Variants in ABCA13 observed in about 807,000 individuals in gnomAD.
ABCA13 encodes the protein ATP-binding cassette sub-family A member 13.
Under a neutral mutation model 478.7 loss-of-function variants are expected in ABCA13, and 476 were observed. The ratio of observed to expected loss-of-function variants is 0.99; its 90% confidence interval spans 0.92 to 1.07. ABCA13 has a LOEUF of 1.07. ABCA13 is among the 50% of genes least tolerant of loss of function. ABCA13 has a pLI of 0.00. For missense variants in ABCA13, 6,060 were observed against 5,910.6 expected, an observed-to-expected ratio of 1.03 and a Z score of -0.83; for synonymous variants, 2,252 against 2,158.9, an observed-to-expected ratio of 1.04 and a Z score of -1.20.
At chr7:48,190,320 T>C (rs2128890597) in intron 1 of ABCA13, among the ~76,000 whole-genome samples, 1 of 152,312 alleles carries the variant, frequency 6.6e-6, no homozygotes, top group Middle Eastern at 3.4e-3. Flanking sequence ...CTGCATCTAC[T>C]TGATTTCATA....
In ABCA13 at chr7:48,279,915, T is replaced by G. The variant is rs1006885556; in HGVS notation, c.8721T>G (p.Asp2907Glu). Residue 2907 changes from aspartate to glutamate, a missense_variant, in exon 18 of 62, where the codon GAT (aspartate) becomes GAG (glutamate). Physicochemically the swap from Asp to Glu is conservative, Grantham distance 45. Around this residue, in one of 3 missense-constraint regions of ABCA13, gnomAD observed 4,423 missense variants for 4,309.1 expected, o/e 1.03. Coordinates refer to ENST00000435803, the MANE Select transcript of ABCA13 (RefSeq NM_152701.5). Reference protein sequence around the residue: ...TKYWQQIPLTDQSVVEICEVF... With the variant: ...TKYWQQIPLTEQSVVEICEVF... ...ACTGGCAACAAATCCCACTAACAGA[T>G]CAAAGGTAATTAAAAAGCTGAATTC... is the stretch of plus-strand genomic sequence containing the variant. 2.0e-6 allele frequency: 3 copies of G among 1,509,530 alleles called. No homozygotes were observed. The Admixed American group carries it at 7.1e-5, about 36-fold the overall frequency. 93.5% of individuals were successfully genotyped at this position (1,509,530 alleles called of 1,614,324 possible).
At chr7:48,500,011 G>T (rs1227140933) in intron 48 of ABCA13, among the ~76,000 whole-genome samples, 1 of 152,164 alleles carries the variant, frequency 6.6e-6, no homozygotes, top group East Asian at 1.9e-4. Flanking sequence ...AAATTGATCA[G>T]ACTGGTATCC....
At chr7:48,267,521 T>C (rs1422028727) in intron 15 of ABCA13, among the ~76,000 whole-genome samples, 1 of 152,152 alleles carries the variant, frequency 6.6e-6, no homozygotes, top group Non-Finnish European at 1.5e-5. Context: ...ATATTTCAAG[T>C]GCATTTCTTA....
At chr7:48,201,672 A>G (rs989879858) in intron 3 of ABCA13, among the ~76,000 whole-genome samples, 35 of 152,226 alleles carry the variant, frequency 2.3e-4, no homozygotes, top group Non-Finnish European at 4.4e-5. Flanking sequence ...GTGAGCAGAG[A>G]TCGCACCACT....
rs756216996 is a variant in ABCA13 at position 48,412,583 on chromosome 7, G to C, written c.12459G>C (p.Glu4153Asp). Residue 4153 changes from glutamate to aspartate, a missense_variant and splice_region_variant, in exon 41 of 62, where the codon GAG (glutamate) becomes GAC (aspartate). Glu to Asp is a conservative substitution (Grantham distance 45, BLOSUM62 2). Coordinates refer to ENST00000435803, the MANE Select transcript of ABCA13 (RefSeq NM_152701.5). The part of the protein sequence containing the change: ...GYGISDTTLE[E>D]VFLMLLQDSN... ...GGATCTCAGACACCACCTTAGAAGA[G>C]GTACTGAGAAAACTGAAGCGTGCTT... 6.3e-7 allele frequency: 1 copy of C among 1,591,096 alleles called. No homozygotes were observed. The highest frequency in any genetic ancestry group is 2.2e-5 in the East Asian group (1 of 44,498).
chr7:48,439,963 A>G (rs1823359513), intron 42 of ABCA13, among the ~76,000 whole-genome samples: 1 of 152,270 alleles, frequency 6.6e-6, no homozygotes, highest in East Asian at 1.9e-4. Context: ...TCTTCCTACC[A>G]AAACAGTATT....
chr7:48,176,949 T>A (rs1341313496), intron 1 of ABCA13, among the ~76,000 whole-genome samples: 1 of 152,214 alleles, frequency 6.6e-6, no homozygotes, highest in Non-Finnish European at 1.5e-5. Flanking sequence ...TAAAACAAAA[T>A]AATCTCATTT....
chr7:48,215,979 A>G (rs550662163), intron 3 of ABCA13, among the ~76,000 whole-genome samples: 3 of 152,322 alleles, frequency 2.0e-5, no homozygotes, highest in East Asian at 1.9e-4. Context: ...ATTCCCTTGT[A>G]TAGATACAGG....
chr7:48,574,374 A>G (rs925618518), intron 55 of ABCA13, among the ~76,000 whole-genome samples: 4 of 152,100 alleles, frequency 2.6e-5, no homozygotes, highest in African/African-American at 9.7e-5. Flanking sequence ...AGCCACGTTC[A>G]TTTGCCAGAG....
chr7:48,223,984 G>A (rs113683832), intron 5 of ABCA13, among the ~76,000 whole-genome samples: 17 of 150,578 alleles, frequency 1.1e-4, no homozygotes, highest in African/African-American at 4.2e-4. Flanking sequence ...AAAAGAGAGA[G>A]AGAGAGAGAA....
chr7:48,303,590 A>G (rs565677795), intron 23 of ABCA13, among the ~76,000 whole-genome samples: 1 of 152,250 alleles, frequency 6.6e-6, no homozygotes. Context: ...TTGAATAGGG[A>G]ATCTTTCCCT....
At position 48,412,433 on chromosome 7, in the gene ABCA13, T is replaced by G. The variant is rs756923645; in HGVS notation, c.12309T>G (p.Phe4103Leu). 3 of 1,613,528 alleles carry G rather than the reference T, an allele frequency of 1.9e-6. No homozygotes were observed. Among genetic ancestry groups the G allele is most frequent in the Non-Finnish European group, 1.7e-6 (2 of 1,179,848 alleles). Residue 4103 changes from phenylalanine (F) to leucine (L), a missense_variant, in exon 41 of 62, where the codon TTT becomes TTG. By Grantham distance (22) the Phe-to-Leu change is conservative. Coordinates refer to ENST00000435803, the MANE Select transcript of ABCA13 (RefSeq NM_152701.5). Reference protein sequence around the residue: ...SLIKIYIPQAFLKDSSGSELT... With the variant: ...SLIKIYIPQALLKDSSGSELT... ...TAAAGATCTATATTCCACAAGCATT[T>G]CTCAAAGACAGCAGTGGAAGTGAGC...
chr7:48,273,170 C>T lies in ABCA13; in HGVS notation c.3504C>T (p.Asp1168=), dbSNP rs1311572917. ...WETISQLFKF[D]MNVFTSLHHG... ...CCATATCTCAATTATTTAAGTTTGA[C>T]ATGAATGTTTTCACATCTCTTCATC... Residue 1168 remains aspartate, a synonymous_variant, in exon 17 of 62, where the codon GAC becomes GAT. Coordinates refer to ENST00000435803, the MANE Select transcript of ABCA13 (RefSeq NM_152701.5). The T allele has an allele frequency of 6.2e-7, 1 of 1,613,650 alleles. No individual in the cohort carries two copies. The highest frequency in any genetic ancestry group is 8.5e-7 in the Non-Finnish European group (1 of 1,179,740).
intron 35 of ABCA13, among the ~76,000 whole-genome samples, chr7:48,380,008 G>C (rs1010413667): frequency 6.6e-6 from 1 of 152,106 alleles, no homozygotes; most frequent in Non-Finnish European, 1.5e-5. Context: ...GGAAATAGAG[G>C]ACTGATTGGA....
chr7:48,586,133 A>G (rs1789157252), intron 56 of ABCA13, among the ~76,000 whole-genome samples: 1 of 152,156 alleles, frequency 6.6e-6, no homozygotes, highest in South Asian at 2.1e-4. Context: ...GGCAGGGAAG[A>G]AGAAAGAAGC....
At chr7:48,358,136 C>T (rs539056294) in intron 31 of ABCA13, among the ~76,000 whole-genome samples, 4 of 145,036 alleles carry the variant, frequency 2.8e-5, no homozygotes, top group South Asian at 2.2e-4. Context: ...GAGCAAACTC[C>T]GTCTCAAAGA....
intron 59 of ABCA13, among the ~76,000 whole-genome samples, chr7:48,640,111 G>A (rs1054200485): frequency 2.0e-5 from 3 of 151,976 alleles, no homozygotes; most frequent in Admixed American, 6.6e-5. Flanking sequence ...TTTCTATTTT[G>A]CACTTAATAT....
At position 48,273,518 on chromosome 7, in the gene ABCA13, G is replaced by A. The variant is rs1240162174; in HGVS notation, c.3852G>A (p.Leu1284=). ...CAAGCAGAGAGTTTTTAAATTCTCT[G>A]CTTGAAGTTTTCATTGAGTTTAGCA... ...ESTSREFLNS[L]LEVFIEFSST... Residue 1284 remains leucine (L), a synonymous_variant, in exon 17 of 62, where the codon CTG becomes CTA. Coordinates refer to ENST00000435803, the MANE Select transcript of ABCA13 (RefSeq NM_152701.5). 6.3e-7 allele frequency: 1 copy of A among 1,588,898 alleles called. No individual in the cohort carries two copies. The highest frequency in any genetic ancestry group is 8.6e-7 in the Non-Finnish European group (1 of 1,165,826).
At chr7:48,519,984 A>G (rs62447308) in intron 52 of ABCA13, 57 bp from the exon 53 acceptor site, 72,966 of 1,502,022 alleles carry the variant, frequency 0.049, 2,740 homozygotes, top group African/African-American at 0.18. Context: ...ATTGGTATAT[A>G]TTATGAAAAG....
Sources: gnomAD v4.1 joint callset for allele counts (sites outside exome capture counted in the v4.1 genomes callset) on GRCh38, gnomAD v4.1.1 for gene constraint, gnomAD v4.1.1 regional missense constraint, MANE v1.5 for transcripts, NCBI Gene and HGNC (gene_info 2026-07-23, HGNC 2026-07-21) for gene names.